Variants in NBAS observed in about 807,000 individuals in gnomAD.
NBAS encodes NAG/BC035112 fusion.
Under a neutral mutation model 302.5 loss-of-function variants are expected in NBAS, and 219 were observed. The observed-to-expected ratio is 0.72, with a 90% confidence interval of 0.65 to 0.81. The LOEUF is 0.81. NBAS is among the 30% of genes least tolerant of loss of function. The pLI is 0.00. For missense variants in NBAS, 2,932 were observed against 2,841.6 expected (o/e 1.03, Z -0.72); for synonymous variants, 1,118 against 1,021.6 (o/e 1.09, Z -1.80).
intron 38 of NBAS, among the ~76,000 whole-genome samples, chr2:15,311,298 A>T (rs990415577): frequency 1.3e-5 from 2 of 152,212 alleles, no homozygotes; most frequent in African/African-American, 2.4e-5. Flanking sequence ...TTTTCAAAGC[A>T]TTTTGCATTT....
At chr2:15,417,228 G>T (rs1262107232) in intron 24 of NBAS, among the ~76,000 whole-genome samples, 1 of 152,078 alleles carries the variant, frequency 6.6e-6, no homozygotes. Flanking sequence ...CAAAGTGAAA[G>T]GTTAAATACA....
At chr2:15,161,654 G>C in the NBAS span, among the ~76,000 whole-genome samples, 2 of 152,188 alleles carry the variant, frequency 1.3e-5, no homozygotes, top group Non-Finnish European at 2.9e-5. Context: ...TTCACCCCGG[G>C]CCTGCAGCTC....
intron 33 of NBAS, among the ~76,000 whole-genome samples, 154 bp from the exon 34 acceptor site, chr2:15,353,864 G>A (rs1474418349): frequency 6.6e-6 from 1 of 152,152 alleles, no homozygotes; most frequent in Non-Finnish European, 1.5e-5. Flanking sequence ...AAACAGATAA[G>A]AATCTAAGCT....
the NBAS span, among the ~76,000 whole-genome samples, chr2:14,796,340 T>C: frequency 6.6e-6 from 1 of 152,210 alleles, no homozygotes; most frequent in Admixed American, 6.5e-5. Context: ...CACACTTCCA[T>C]ATGAATTTTG....
intron 42 of NBAS, among the ~76,000 whole-genome samples, chr2:15,282,567 C>G (rs944436558): frequency 6.6e-6 from 1 of 152,138 alleles, no homozygotes. Flanking sequence ...GGACCCTCCC[C>G]ATGTGTCTAA....
In NBAS at chr2:15,536,551, C is replaced by T. The variant is rs1558421269; in HGVS notation, c.514G>A (p.Ala172Thr). 1 of 1,602,604 alleles carries T rather than the reference C, an allele frequency of 6.2e-7. No homozygotes were observed. The highest frequency in any genetic ancestry group is 8.5e-7 in the Non-Finnish European group (1 of 1,176,504). Reference sequence around the variant, plus strand: ...CTTAAGTCACCTATAAAACTAGATGCCTACAGAAGAGGGGGAAATTAAGTT... The same window carrying T: ...CTTAAGTCACCTATAAAACTAGATGTCTACAGAAGAGGGGGAAATTAAGTT... ...MGSELFVISP[A>T]SSFIGDLSYA... Residue 172 changes from alanine (A) to threonine (T), a missense_variant and splice_region_variant, in exon 8 of 52, where the codon GCA becomes ACA. Coordinates refer to ENST00000281513, the MANE Select transcript of NBAS (RefSeq NM_015909.4).
chr2:15,368,191 CTTTTTTTTTTT>C (rs1197291033), intron 31 of NBAS, among the ~76,000 whole-genome samples: 7 of 84,890 alleles, frequency 8.2e-5, no homozygotes, highest in African/African-American at 2.8e-4. Context: ...AATGTTTTGA[CTTTTTTTTTTT>C]TTTTTTTTTT....
chr2:14,796,519 G>T, the NBAS span, among the ~76,000 whole-genome samples: 1 of 151,996 alleles, frequency 6.6e-6, no homozygotes, highest in Non-Finnish European at 1.5e-5. Flanking sequence ...GCAATGTTTT[G>T]TAATTTTCCT....
At chr2:15,424,812 C>T (rs536176884) in intron 22 of NBAS, among the ~76,000 whole-genome samples, 1 of 152,118 alleles carries the variant, frequency 6.6e-6, no homozygotes. Context: ...TACCGCAGGC[C>T]CACTCAATCA....
chr2:15,135,968 G>A, the NBAS span, among the ~76,000 whole-genome samples: 4 of 152,186 alleles, frequency 2.6e-5, no homozygotes, highest in Non-Finnish European at 5.9e-5. Flanking sequence ...CCTGGGCTGG[G>A]CTGTGGGTTG....
intron 41 of NBAS, among the ~76,000 whole-genome samples, chr2:15,289,067 CTTATTTTTTAT>C (rs1034426574): frequency 2.0e-5 from 3 of 152,054 alleles, no homozygotes; most frequent in African/African-American, 7.2e-5. Context: ...ATTAGCAATT[CTTATTTTTTAT>C]TTATTTTTTA....
chr2:14,876,369 CCA>C, the NBAS span, among the ~76,000 whole-genome samples: 8 of 152,168 alleles, frequency 5.3e-5, 1 homozygote, highest in South Asian at 6.2e-4. Flanking sequence ...CATTTATTCC[CCA>C]GTTTCCTTAT....
chr2:14,994,311 G>A, the NBAS span, among the ~76,000 whole-genome samples: 1 of 152,184 alleles, frequency 6.6e-6, no homozygotes, highest in East Asian at 1.9e-4. Flanking sequence ...GATGGTGAAG[G>A]GATTGTTTCC....
In NBAS at chr2:15,475,875, C is replaced by G. The variant is rs1266418223; in HGVS notation, c.1153G>C (p.Glu385Gln). ...TEKRKKIKDK[E>Q]SFYPLIDVNW... The stretch of plus-strand genomic sequence containing the variant: ...ACATCTATCAGTGGGTAAAAGGACT[C>G]TTTATCTAAGAAGCGAAAAACAAAT... The change falls in exon 14 of 52, where the codon GAG (glutamate) becomes CAG (glutamine). Residue 385 changes from glutamate to glutamine, a missense_variant. Physicochemically the swap from Glu to Gln is conservative, Grantham distance 29 (BLOSUM62 2). Transcript: ENST00000281513. 1 of 1,612,180 alleles carries G rather than the reference C, an allele frequency of 6.2e-7. No individual in the cohort carries two copies. Among genetic ancestry groups the G allele is most frequent in the Non-Finnish European group, 8.5e-7 (1 of 1,178,794 alleles).
the NBAS span, among the ~76,000 whole-genome samples, chr2:15,133,391 A>T: frequency 6.6e-6 from 1 of 152,186 alleles, no homozygotes; most frequent in Non-Finnish European, 1.5e-5. Flanking sequence ...GGTCTTAGAG[A>T]TGAAATATAT....
chr2:15,450,193 AAG>A (rs1678941233), intron 21 of NBAS, among the ~76,000 whole-genome samples: 1 of 152,206 alleles, frequency 6.6e-6, no homozygotes, highest in South Asian at 2.1e-4. Context: ...CATAAATAAA[AAG>A]AGATTCATCT....
At position 15,424,521 on chromosome 2, in the gene NBAS, T is replaced by C. The variant is rs985811732; in HGVS notation, c.2424-53A>G. 5.6e-6 allele frequency: 9 copies of C among 1,595,322 alleles called. No individual in the cohort carries two copies. In the African/African-American group the frequency reaches 8.0e-5, roughly 14 times the overall value. On this transcript the variant is annotated intron_variant, in intron 22 of 51. Transcript: ENST00000281513. The stretch of plus-strand genomic sequence containing the variant: ...AACTGACTAGAATGTTGGAAAAACA[T>C]ATAATTTTGTGAGAGAAAGACAGGG...
At chr2:15,074,787 T>C in the NBAS span, among the ~76,000 whole-genome samples, 4 of 152,216 alleles carry the variant, frequency 2.6e-5, no homozygotes, top group African/African-American at 2.4e-5. Flanking sequence ...GAAAACCTTA[T>C]ATCCACATGA....
chr2:15,423,145 C>T (rs565206840), intron 23 of NBAS, among the ~76,000 whole-genome samples: 15 of 152,278 alleles, frequency 9.9e-5, no homozygotes, highest in East Asian at 1.9e-4. Context: ...CTGTGCAAGA[C>T]GTTCATTCTT....
Sources: gnomAD v4.1 joint callset for allele counts (sites outside exome capture counted in the v4.1 genomes callset) on GRCh38, gnomAD v4.1.1 for gene constraint, MANE v1.5 for transcripts, NCBI Gene and HGNC (gene_info 2026-07-23, HGNC 2026-07-21) for gene names.